Variants in SLC24A2 observed in about 807,000 individuals in gnomAD.
SLC24A2 encodes the protein solute carrier family 24 member 2, also known as sodium/potassium/calcium exchanger 2.
Under a neutral mutation model 62.0 loss-of-function variants are expected in SLC24A2, and 36 were observed. That is an observed-to-expected ratio of 0.58 (90% CI 0.44 to 0.77). The LOEUF is 0.77. Among genes scored for constraint, SLC24A2 ranks in the 30% least tolerant of loss-of-function variants. SLC24A2 has a pLI of 0.00. For synonymous variants in SLC24A2, 358 were observed against 294.0 expected, an observed-to-expected ratio of 1.22 and a Z score of -2.23; for missense variants, 846 against 817.9, an observed-to-expected ratio of 1.03 and a Z score of -0.42.
At position 19,789,013 on chromosome 9, in the gene SLC24A2, G is replaced by C. The variant is rs1445388822; in HGVS notation, c.-282C>G. Reference sequence around the variant, plus strand: ...CTCGCACTGGCTGCCGCTCTCGCCAGCCGGGCTGGGTTCGGGAGGAGACTG... The same window carrying C: ...CTCGCACTGGCTGCCGCTCTCGCCACCCGGGCTGGGTTCGGGAGGAGACTG... On this transcript the variant is annotated 5_prime_UTR_variant, in exon 1 of 11. Coordinates refer to ENST00000341998, the MANE Select transcript of SLC24A2 (RefSeq NM_020344.4). 3.2e-6 allele frequency: 3 copies of C among 932,660 alleles called. No individual in the cohort carries two copies. Among genetic ancestry groups the C allele is most frequent in the Non-Finnish European group, 3.8e-6 (3 of 781,842 alleles). 57.8% of individuals were successfully genotyped at this position (932,660 alleles called of 1,614,324 possible).
the SLC24A2 span, among the ~76,000 whole-genome samples, chr9:19,949,718 C>G: frequency 1.3e-5 from 2 of 152,230 alleles, no homozygotes; most frequent in Non-Finnish European, 2.9e-5. Context: ...CTCTTTTCCC[C>G]TTCCCAAGGA....
chr9:20,156,325 G>T, the SLC24A2 span, among the ~76,000 whole-genome samples: 1 of 151,744 alleles, frequency 6.6e-6, no homozygotes. Context: ...CTCTGGAGCA[G>T]ATATTCAAGG....
intron 2 of SLC24A2, among the ~76,000 whole-genome samples, chr9:19,739,749 G>T (rs1303886348): frequency 3.3e-5 from 5 of 152,136 alleles, no homozygotes; most frequent in South Asian, 4.2e-4. Context: ...TATGACATTG[G>T]GGTAGACAAA....
chr9:19,693,972 G>C (rs1245390731), intron 2 of SLC24A2, among the ~76,000 whole-genome samples: 1 of 151,880 alleles, frequency 6.6e-6, no homozygotes, highest in Non-Finnish European at 1.5e-5. Context: ...AACTTTCTTA[G>C]AAGATGAAAA....
At chr9:19,863,014 C>T in the SLC24A2 span, among the ~76,000 whole-genome samples, 5 of 151,788 alleles carry the variant, frequency 3.3e-5, no homozygotes, top group Non-Finnish European at 5.9e-5. Flanking sequence ...ACACACTTCA[C>T]CTATAAAGAC....
At chr9:19,636,318 T>TCTTTTCTTTTCTTTTC (rs1554690366) in intron 2 of SLC24A2, among the ~76,000 whole-genome samples, 809 of 32,210 alleles carry the variant, frequency 0.025, 77 homozygotes, top group Non-Finnish European at 0.032. Context: ...TCTTTTCTTT[T>TCTTTTCTTTTCTTTTC]CTTTCTTTCT....
chr9:20,240,429 C>A, the SLC24A2 span, among the ~76,000 whole-genome samples: 1 of 152,120 alleles, frequency 6.6e-6, no homozygotes, highest in African/African-American at 2.4e-5. Flanking sequence ...AAGCTCAAGA[C>A]TCTTCTCTCA....
At chr9:19,816,191 T>C in the SLC24A2 span, among the ~76,000 whole-genome samples, 3 of 152,092 alleles carry the variant, frequency 2.0e-5, no homozygotes, top group Non-Finnish European at 4.4e-5. Context: ...CAGCCTCACC[T>C]AGTTGGCGAG....
the SLC24A2 span, among the ~76,000 whole-genome samples, chr9:20,011,137 G>A: frequency 6.6e-6 from 1 of 152,134 alleles, no homozygotes; most frequent in Non-Finnish European, 1.5e-5. Flanking sequence ...TAATGGGATG[G>A]CTGGGTGAAA....
chr9:19,885,005 G>C, the SLC24A2 span, among the ~76,000 whole-genome samples: 1 of 152,152 alleles, frequency 6.6e-6, no homozygotes, highest in Non-Finnish European at 1.5e-5. Flanking sequence ...GGATGGGACT[G>C]GCCATACAGG....
chr9:20,100,422 T>G, the SLC24A2 span, among the ~76,000 whole-genome samples: 1 of 152,170 alleles, frequency 6.6e-6, no homozygotes. Context: ...TTCCCAGATG[T>G]TCCATATTAG....
At chr9:19,556,247 C>T (rs558679567) in intron 7 of SLC24A2, among the ~76,000 whole-genome samples, 1 of 152,218 alleles carries the variant, frequency 6.6e-6, no homozygotes, top group East Asian at 1.9e-4. Context: ...ACACTTTTTC[C>T]ATTTGAATTT....
intron 2 of SLC24A2, among the ~76,000 whole-genome samples, chr9:19,734,167 G>C (rs527467725): frequency 2.8e-4 from 43 of 152,112 alleles, no homozygotes; most frequent in East Asian, 9.7e-4. Context: ...GCTTGTTTTT[G>C]TCAGGTTTGT....
chr9:20,029,076 G>A, the SLC24A2 span, among the ~76,000 whole-genome samples: 1 of 152,122 alleles, frequency 6.6e-6, no homozygotes. Context: ...CCACTTCCCA[G>A]CAATTTCTCA....
chr9:20,198,569 C>T, the SLC24A2 span, among the ~76,000 whole-genome samples: 1 of 152,112 alleles, frequency 6.6e-6, no homozygotes, highest in Non-Finnish European at 1.5e-5. Flanking sequence ...AGCTGGCGGA[C>T]AAAGGAGGAA....
At chr9:19,644,235 T>C (rs1818580411) in intron 2 of SLC24A2, among the ~76,000 whole-genome samples, 1 of 152,200 alleles carries the variant, frequency 6.6e-6, no homozygotes, top group African/African-American at 2.4e-5. Context: ...ATTTCTGCTC[T>C]CTTCTGGAAG....
At chr9:19,529,998 C>T (rs1833624505) in intron 8 of SLC24A2, among the ~76,000 whole-genome samples, 1 of 151,816 alleles carries the variant, frequency 6.6e-6, no homozygotes. Context: ...GATGATCTGC[C>T]TGCTTCAGCC....
chr9:20,097,988 C>A, the SLC24A2 span, among the ~76,000 whole-genome samples: 1 of 151,474 alleles, frequency 6.6e-6, no homozygotes, highest in Non-Finnish European at 1.5e-5. Context: ...GTGATTCGCC[C>A]GCCTCGGCCT....
At chr9:19,624,346 G>C (rs1168302656) in intron 2 of SLC24A2, among the ~76,000 whole-genome samples, 1 of 152,054 alleles carries the variant, frequency 6.6e-6, no homozygotes, top group Non-Finnish European at 1.5e-5. Context: ...AGCAGGGAGA[G>C]AAAAAGGTGG....
Sources: gnomAD v4.1 joint callset for allele counts (sites outside exome capture counted in the v4.1 genomes callset) on GRCh38, gnomAD v4.1.1 for gene constraint, MANE v1.5 for transcripts, NCBI Gene and HGNC (gene_info 2026-07-23, HGNC 2026-07-21) for gene names.